SH3D19: variants seen among roughly 807,000 people sequenced by gnomAD.
SH3D19 encodes the protein SH3 domain-containing protein 19.
In SH3D19, 58 loss-of-function variants were observed where a neutral mutation model predicts 112.1. That is an observed-to-expected ratio of 0.52 (90% CI 0.42 to 0.64). SH3D19 has a LOEUF of 0.64. Ranked by LOEUF, SH3D19 falls within the 30% of genes least tolerant of loss-of-function variation. The pLI is 0.00. For missense variants in SH3D19, 1,090 were observed against 1,263.4 expected, an observed-to-expected ratio of 0.86 and a Z score of 2.08; for synonymous variants, 391 against 448.5, an observed-to-expected ratio of 0.87 and a Z score of 1.62.
At chr4:151,317,348 A>AT (rs1730088757) in intron 1 of SH3D19, among the ~76,000 whole-genome samples, 2 of 152,230 alleles carry the variant, frequency 1.3e-5, no homozygotes, top group Admixed American at 6.5e-5. Flanking sequence ...AAGGCCCAGA[A>AT]AGATGCTATA....
chr4:151,256,807 C>A (rs1217840369), intron 1 of SH3D19, among the ~76,000 whole-genome samples: 1 of 149,814 alleles, frequency 6.7e-6, no homozygotes, highest in Non-Finnish European at 1.5e-5. Context: ...TGGTGCTGAT[C>A]TCAGCTCACT....
intron 8 of SH3D19, 94 bp downstream of exon 8, chr4:151,165,495 T>C: frequency 1.0e-6 from 1 of 984,198 alleles, no homozygotes; most frequent in Non-Finnish European, 1.5e-6. Context: ...GAATGGCAGA[T>C]TATACATAAT....
chr4:151,175,821 A>T (rs1431492008), intron 6 of SH3D19, 147 bp from the exon 7 acceptor site: 1 of 691,554 alleles, frequency 1.4e-6, no homozygotes. Flanking sequence ...GTAAAAAGTG[A>T]TTCAAAAATG....
In SH3D19 at chr4:151,174,714, G is replaced by A. The variant is rs370259617; in HGVS notation, c.1490C>T (p.Ser497Leu). Residue 497 changes from serine to leucine, a missense_variant, in exon 7 of 20, where the codon TCG becomes TTG. Transcript: ENST00000604030. ...SFDDDVLPTP[S>L]GNLAEESVGS... ...AACAGATTCTTCAGCCAGGTTCCCCGATGGGGTGGGCAAAACATCATCATC... is the reference window on the plus strand; with the variant it reads ...AACAGATTCTTCAGCCAGGTTCCCCAATGGGGTGGGCAAAACATCATCATC... The A allele has an allele frequency of 2.5e-5, 38 of 1,514,434 alleles. No homozygotes were observed. Among genetic ancestry groups the A allele is most frequent in the Admixed American group, 4.6e-5 (2 of 43,688 alleles). The allele number at this position is 1,514,434 out of a possible 1,614,324, so 93.8% of individuals were successfully genotyped here. A position where few individuals can be genotyped will look rare whatever the true frequency, so the allele number is the denominator to read the frequency against.
chr4:151,165,793 T>G (rs1328737665), intron 7 of SH3D19, 97 bp from the exon 8 acceptor site: 6 of 1,006,556 alleles, frequency 6.0e-6, no homozygotes, highest in Non-Finnish European at 7.5e-6. Flanking sequence ...TTCATGCCCC[T>G]GGGGAAACTA....
In SH3D19 at chr4:151,316,268, G is replaced by A. The variant is rs114102391; in HGVS notation, c.112+8973C>T. On this transcript the variant is annotated intron_variant, in intron 1 of 19. Transcript: ENST00000604030. ...AATGTGACCAGTACTCTTCAAAACC[G>A]TCAGGGTCATCAAAAACAAGGAAAA... Among the ~76,000 whole-genome samples the A allele has an allele frequency of 3.4e-3, 522 of 152,240 alleles. 3 individuals are homozygous for A. The highest frequency in any genetic ancestry group is 0.012 in the African/African-American group (494 of 41,550).
chr4:151,157,044 G>A (rs1398502303), intron 9 of SH3D19, among the ~76,000 whole-genome samples: 1 of 152,054 alleles, frequency 6.6e-6, no homozygotes, highest in Non-Finnish European at 1.5e-5. Context: ...TTGAATCCAG[G>A]AGTTCAAGAA....
chr4:151,135,005 G>C lies in SH3D19; in HGVS notation c.2486+69C>G. On this transcript the variant is annotated intron_variant, in intron 15 of 19. Coordinates refer to ENST00000604030, the MANE Select transcript of SH3D19 (RefSeq NM_001378122.1). Reference sequence around the variant, plus strand: ...CCTGGCCTTGGAGTGTTTTAAGCTTGATAATTCTTCATGATATAGATGGTT... The same window carrying C: ...CCTGGCCTTGGAGTGTTTTAAGCTTCATAATTCTTCATGATATAGATGGTT... The C allele has an allele frequency of 3.0e-6, 4 of 1,341,910 alleles. No individual in the cohort carries two copies. In the South Asian group the frequency reaches 5.0e-5, roughly 17 times the overall value. The allele number at this position is 1,341,910 out of a possible 1,614,324, so 83.1% of individuals were successfully genotyped here.
At chr4:151,215,832 C>CTT (rs112932689) in intron 2 of SH3D19, among the ~76,000 whole-genome samples, 4 of 145,836 alleles carry the variant, frequency 2.7e-5, no homozygotes, top group East Asian at 4.0e-4. Flanking sequence ...AGGGTTTTAC[C>CTT]TTTTTTTTTT....
At chr4:151,144,608 A>T (rs1032061980) in intron 11 of SH3D19, among the ~76,000 whole-genome samples, 4 of 152,232 alleles carry the variant, frequency 2.6e-5, no homozygotes, top group African/African-American at 9.6e-5. Context: ...AGAAACACCC[A>T]GCACTTGACC....
chr4:151,177,897 C>G (rs1760204718), intron 4 of SH3D19, among the ~76,000 whole-genome samples: 1 of 152,062 alleles, frequency 6.6e-6, no homozygotes, highest in Non-Finnish European at 1.5e-5. Context: ...TTATCTTTTT[C>G]TTAATCTGAT....
At chr4:151,236,228 C>A (rs1029479711) in intron 1 of SH3D19, among the ~76,000 whole-genome samples, 6 of 152,282 alleles carry the variant, frequency 3.9e-5, no homozygotes, top group Middle Eastern at 3.2e-3. Flanking sequence ...GCTCCCTCAG[C>A]TCGTGGAGAG....
chr4:151,299,554 T>C (rs1042486857), intron 1 of SH3D19, among the ~76,000 whole-genome samples: 31 of 116,712 alleles, frequency 2.7e-4, no homozygotes, highest in Admixed American at 7.6e-4. Flanking sequence ...CACTCCAGCC[T>C]GGGCAACAAG....
At chr4:151,282,529 T>A in intron 1 of SH3D19, 1 of 977,428 alleles carries the variant, frequency 1.0e-6, no homozygotes. Flanking sequence ...ACCAGATCAA[T>A]CTAATGATAT....
rs1766628298 is a variant in SH3D19, at chr4:151,214,516, A to G, written c.152+11531T>C. On this transcript the variant is annotated intron_variant, in intron 2 of 19. Coordinates refer to ENST00000604030, the MANE Select transcript of SH3D19 (RefSeq NM_001378122.1). ...GGCTGGCCGGGCAGAGGGGCTCCTC[A>G]CTTCCCAGTAGGGGCGGCCGGGCAG... is the stretch of plus-strand genomic sequence containing the variant. 5.9e-5 allele frequency among the ~76,000 whole-genome samples: 7 copies of G among 119,142 alleles called. 1 individual carries two copies. The South Asian group carries it at 2.1e-3, about 35-fold the overall frequency. The allele number at this position is 119,142 out of a possible 152,430, so 78.2% of individuals were successfully genotyped here. A position where few individuals can be genotyped will look rare whatever the true frequency, so the allele number is the denominator to read the frequency against.
chr4:151,215,731 T>C (rs1766957788), intron 2 of SH3D19, among the ~76,000 whole-genome samples: 1 of 152,240 alleles, frequency 6.6e-6, no homozygotes, highest in Admixed American at 6.5e-5. Context: ...AATGCTCTGA[T>C]TTATTATGCA....
At chr4:151,252,552 G>A (rs928093717) in intron 1 of SH3D19, among the ~76,000 whole-genome samples, 1 of 152,124 alleles carries the variant, frequency 6.6e-6, no homozygotes, top group Non-Finnish European at 1.5e-5. Context: ...AGCATTCACA[G>A]TGGGCTTTAT....
intron 1 of SH3D19, 107 bp from the exon 2 acceptor site, chr4:151,226,193 A>G: frequency 8.1e-7 from 1 of 1,228,860 alleles, no homozygotes; most frequent in African/African-American, 1.6e-5. Flanking sequence ...AGGACTGTTC[A>G]AAGGTAGTTG....
At chr4:151,188,425 T>C (rs888062010) in intron 2 of SH3D19, among the ~76,000 whole-genome samples, 1 of 152,204 alleles carries the variant, frequency 6.6e-6, no homozygotes, top group Admixed American at 6.5e-5. Context: ...ACCAGAATTA[T>C]TTAGGATTTC....
Sources: gnomAD v4.1 joint callset for allele counts (sites outside exome capture counted in the v4.1 genomes callset) on GRCh38, gnomAD v4.1.1 for gene constraint, MANE v1.5 for transcripts, NCBI Gene and HGNC (gene_info 2026-07-23, HGNC 2026-07-21) for gene names.